CHRM5: variants seen among roughly 807,000 people sequenced by gnomAD.
CHRM5 encodes the protein muscarinic acetylcholine receptor M5.
In CHRM5, 18 loss-of-function variants were observed where a neutral mutation model predicts 39.0. That is an observed-to-expected ratio of 0.46 (90% confidence interval 0.32 to 0.68). The LOEUF is 0.68. Ranked by LOEUF, CHRM5 falls within the 30% of genes least tolerant of loss-of-function variation. The pLI, the probability that CHRM5 is intolerant of heterozygous loss-of-function variation, is 0.04. For synonymous variants in CHRM5, 241 were observed against 246.3 expected (o/e 0.98, Z 0.20); for missense variants, 515 against 651.1 (o/e 0.79, Z 2.28).
chr15:33,996,569 G>T (rs934295698), intron 1 of CHRM5, among the ~76,000 whole-genome samples: 1 of 152,222 alleles, frequency 6.6e-6, no homozygotes, highest in Non-Finnish European at 1.5e-5. Flanking sequence ...AACAGGGCCT[G>T]GAGTGGACCT....
intron 1 of CHRM5, among the ~76,000 whole-genome samples, chr15:34,036,881 G>A (rs1470958523): frequency 2.0e-5 from 3 of 152,018 alleles, no homozygotes; most frequent in Non-Finnish European, 4.4e-5. Flanking sequence ...AGGCCGAGGC[G>A]GGTGGATCAC....
intron 1 of CHRM5, among the ~76,000 whole-genome samples, chr15:33,979,605 C>G (rs533706521): frequency 1.3e-5 from 2 of 152,324 alleles, no homozygotes; most frequent in African/African-American, 4.8e-5. Context: ...CCTTTATGAG[C>G]CTCGGTTTCC....
chr15:34,063,980 C>T lies in CHRM5; in HGVS notation c.1263C>T (p.Asn421=), dbSNP rs1435540126. The change falls in exon 3 of 3, where the codon AAC becomes AAT. Residue 421 remains asparagine (N), a synonymous_variant. Coordinates refer to ENST00000383263, the MANE Select transcript of CHRM5 (RefSeq NM_012125.4). The surrounding 1 kb of genome is among the most constrained non-coding windows in gnomAD (Gnocchi z 4.1). ...KEPSTKGLNP[N]PSHQMTKRKR... ...CTTCAACGAAAGGCCTCAATCCCAA[C>T]CCCAGCCATCAAATGACCAAACGAA... 1.1e-5 allele frequency: 17 copies of T among 1,614,190 alleles called. No individual in the cohort carries two copies. Among genetic ancestry groups the T allele is most frequent in the Non-Finnish European group, 1.4e-5 (16 of 1,180,032 alleles).
Position 34,062,723 on chromosome 15 carries a change from A to G in CHRM5, c.6A>G (p.Glu2=). M[E]GDSYHNATTV... ...TGTAAAATTTTTGCACCAGGATGGA[A>G]GGGGATTCTTACCACAATGCAACCA... The change falls in exon 3 of 3, where the codon GAA becomes GAG. Residue 2 remains glutamate, a synonymous_variant. Coordinates refer to ENST00000383263, the MANE Select transcript of CHRM5 (RefSeq NM_012125.4). The G allele has an allele frequency of 6.2e-7, 1 of 1,607,544 alleles. No homozygotes were observed. The highest frequency in any genetic ancestry group is 8.5e-7 in the Non-Finnish European group (1 of 1,175,868).
intron 1 of CHRM5, among the ~76,000 whole-genome samples, chr15:33,997,274 C>T (rs1031061747): frequency 6.6e-6 from 1 of 152,092 alleles, no homozygotes; most frequent in African/African-American, 2.4e-5. Flanking sequence ...CCTGCAAACA[C>T]AAATATCAAA....
chr15:34,002,619 T>C (rs912630053), intron 1 of CHRM5, among the ~76,000 whole-genome samples: 1 of 152,174 alleles, frequency 6.6e-6, no homozygotes, highest in African/African-American at 2.4e-5. Flanking sequence ...TCCACTACTA[T>C]GTATATACCT....
In CHRM5 at chr15:34,063,571, C is replaced by T. The variant is rs757339104; in HGVS notation, c.854C>T (p.Ser285Phe). The change falls in exon 3 of 3, where the codon TCC becomes TTC. Residue 285 changes from serine to phenylalanine, a missense_variant. Ser to Phe is a radical substitution (Grantham distance 155, BLOSUM62 -2). Transcript: ENST00000383263. The surrounding 1 kb of genome is among the most constrained non-coding windows in gnomAD (Gnocchi z 4.1). ...RRSTSTTGKPSQATGPSANWA... is the reference protein window; with the variant it reads ...RRSTSTTGKPFQATGPSANWA... ...AGCACCTCCACCACTGGGAAGCCATCCCAAGCCACTGGCCCAAGCGCCAAT... is the reference window on the plus strand; with the variant it reads ...AGCACCTCCACCACTGGGAAGCCATTCCAAGCCACTGGCCCAAGCGCCAAT... 12 of 1,613,732 alleles carry T rather than the reference C, an allele frequency of 7.4e-6. No homozygotes were observed. The Admixed American group carries it at 1.8e-4, about 25-fold the overall frequency.
At chr15:34,059,430 G>A (rs1455302217) in intron 2 of CHRM5, among the ~76,000 whole-genome samples, 1 of 152,086 alleles carries the variant, frequency 6.6e-6, no homozygotes, top group Non-Finnish European at 1.5e-5. Flanking sequence ...CTTCTCTCCG[G>A]ACTAATGCTC....
At chr15:34,048,485 G>A (rs1348744509) in intron 2 of CHRM5, among the ~76,000 whole-genome samples, 1 of 151,778 alleles carries the variant, frequency 6.6e-6, no homozygotes, top group Non-Finnish European at 1.5e-5. Context: ...TCCTCACTGG[G>A]CAGGACCTCC....
At chr15:33,977,941 A>G (rs180937219) in intron 1 of CHRM5, among the ~76,000 whole-genome samples, 2 of 151,294 alleles carry the variant, frequency 1.3e-5, no homozygotes, top group African/African-American at 2.4e-5. Context: ...GTCAAAACAG[A>G]GAAAAAAGAA....
chr15:34,015,274 G>C (rs1197279912), intron 1 of CHRM5, among the ~76,000 whole-genome samples: 1 of 152,086 alleles, frequency 6.6e-6, no homozygotes, highest in Non-Finnish European at 1.5e-5. Context: ...ACGAGGTCAG[G>C]AGATCGAGAC....
intron 1 of CHRM5, chr15:34,038,894 C>A (rs1899311329): frequency 6.2e-6 from 7 of 1,131,728 alleles, no homozygotes; most frequent in Middle Eastern, 3.8e-4. Context: ...GGCCACGGCC[C>A]CGGCGTCCGC....
intron 1 of CHRM5, among the ~76,000 whole-genome samples, chr15:34,028,972 T>C (rs1010335118): frequency 1.3e-5 from 2 of 152,176 alleles, no homozygotes; most frequent in Non-Finnish European, 2.9e-5. Context: ...TATATCTTAG[T>C]TATTCATTTG....
In CHRM5 at chr15:34,063,050, C is replaced by T. The variant is rs576433686; in HGVS notation, c.333C>T (p.Tyr111=). The T allele has an allele frequency of 6.4e-5, 104 of 1,614,086 alleles. No individual in the cohort carries two copies. The highest frequency in any genetic ancestry group is 1.7e-4 in the Admixed American group (10 of 60,004). The change falls in exon 3 of 3, where the codon TAC becomes TAT. Residue 111 remains tyrosine, a synonymous_variant. Transcript: ENST00000383263. The surrounding 1 kb of genome is among the most constrained non-coding windows in gnomAD (Gnocchi z 4.1). Reference sequence around the variant, plus strand: ...GTGACCTTTGGCTTGCACTGGACTACGTGGCCAGCAACGCTTCTGTCATGA... The same window carrying T: ...GTGACCTTTGGCTTGCACTGGACTATGTGGCCAGCAACGCTTCTGTCATGA... ...LACDLWLALD[Y]VASNASVMNL...
chr15:33,985,891 C>T lies in CHRM5; in HGVS notation c.-408+16741C>T, dbSNP rs966604277. ...GAAAAAACTATCTCTAAGGATTCTT[C>T]TCTAATACTGAAAGGTTCATGATTC... On this transcript the variant is annotated intron_variant, in intron 1 of 2. Transcript: ENST00000383263. Among the ~76,000 whole-genome samples the T allele has an allele frequency of 2.6e-5, 4 of 152,254 alleles. No homozygotes were observed. In the East Asian group the frequency reaches 7.7e-4, roughly 29 times the overall value.
intron 1 of CHRM5, among the ~76,000 whole-genome samples, chr15:34,027,731 G>C (rs1225148540): frequency 6.6e-6 from 1 of 151,100 alleles, no homozygotes; most frequent in Non-Finnish European, 1.5e-5. Context: ...ATTTCACTCT[G>C]TGCAAACAGT....
rs367857442 is a variant in CHRM5 at position 34,063,015 on chromosome 15, A to G, written c.298A>G (p.Ser100Gly). Residue 100 changes from serine to glycine, a missense_variant, in exon 3 of 3, where the codon AGT becomes GGT. Physicochemically the swap from Ser to Gly is moderately conservative, Grantham distance 56. Coordinates refer to ENST00000383263, the MANE Select transcript of CHRM5 (RefSeq NM_012125.4). This position sits in a 1 kb window ranked among gnomAD's most constrained non-coding sequence, Gnocchi z 4.1. The stretch of plus-strand genomic sequence containing the variant: ...CCTCATGGGACGCTGGGCTCTCGGG[A>G]GTCTGGCTTGTGACCTTTGGCTTGC... ...YILMGRWALG[S>G]LACDLWLALD... 8.1e-6 allele frequency: 13 copies of G among 1,614,086 alleles called. No homozygotes were observed. The highest frequency in any genetic ancestry group is 8.5e-7 in the Non-Finnish European group (1 of 1,180,034).
intron 1 of CHRM5, among the ~76,000 whole-genome samples, chr15:33,997,630 T>C (rs1464639295): frequency 6.6e-6 from 1 of 152,192 alleles, no homozygotes; most frequent in African/African-American, 2.4e-5. Context: ...ATAATCCTTC[T>C]GCCCTGAAAA....
intron 2 of CHRM5, among the ~76,000 whole-genome samples, chr15:34,048,516 C>G (rs1253260118): frequency 6.6e-6 from 1 of 151,866 alleles, no homozygotes; most frequent in African/African-American, 2.4e-5. Flanking sequence ...TTCAGCCACT[C>G]TAGCCAGGGT....
Sources: allele counts gnomAD v4.1 joint callset (sites outside exome capture counted in the v4.1 genomes callset), GRCh38; gene constraint gnomAD v4.1.1; non-coding constraint Gnocchi (gnomAD v3.1); transcripts MANE v1.5; gene names NCBI Gene and HGNC (gene_info 2026-07-23, HGNC 2026-07-21).